The following USP10 variants were observed in gnomAD, a reference collection of about 807,000 sequenced individuals.
USP10 encodes ubiquitin specific peptidase 10, also known as ubiquitin carboxyl-terminal hydrolase 10.
In USP10, 22 loss-of-function variants were observed where a neutral mutation model predicts 84.5. That is an observed-to-expected ratio of 0.26 (90% confidence interval 0.19 to 0.37). The LOEUF (loss-of-function observed/expected upper bound fraction) is 0.37. USP10 is among the 10% of genes least tolerant of loss of function. USP10 has a pLI of 1.00. For synonymous variants in USP10, 454 were observed against 387.6 expected (o/e 1.17, Z -2.01); for missense variants, 1,019 against 998.9 (o/e 1.02, Z -0.27).
chr16:84,761,943 G>A (rs12599287), intron 8 of USP10, among the ~76,000 whole-genome samples: 17,506 of 152,288 alleles, frequency 0.11, 1,187 homozygotes, highest in East Asian at 0.26. Flanking sequence ...ATGCACTCAC[G>A]TGAACAGCTG....
At chr16:84,759,975 A>G (rs1204939304) in intron 7 of USP10, 29 bp downstream of exon 7, 5 of 1,611,226 alleles carry the variant, frequency 3.1e-6, no homozygotes, top group Non-Finnish European at 4.2e-6. Flanking sequence ...TGTTGATGCT[A>G]TTACATATTG....
At chr16:84,722,017 T>C (rs1342202107) in intron 1 of USP10, among the ~76,000 whole-genome samples, 2 of 152,198 alleles carry the variant, frequency 1.3e-5, no homozygotes, top group Non-Finnish European at 2.9e-5. Context: ...TTGACAGATG[T>C]ATACACCAAA....
At position 84,714,361 on chromosome 16, in the gene USP10, G is replaced by C. The variant is rs533924933; in HGVS notation, c.21+14250G>C. Among the ~76,000 whole-genome samples the C allele has an allele frequency of 1.6e-4, 25 of 152,286 alleles. No homozygotes were observed. The South Asian group carries it at 4.8e-3, about 29-fold the overall frequency. On this transcript the variant is annotated intron_variant, in intron 1 of 13. Coordinates refer to ENST00000219473, the MANE Select transcript of USP10 (RefSeq NM_005153.3). ...GATGGGGTCTGGCTCTGGCATCCAG[G>C]CTGGAGTGAGTGGCACAATCGTAGC...
intron 13 of USP10, among the ~76,000 whole-genome samples, chr16:84,776,261 G>A (rs1188604188): frequency 6.6e-6 from 1 of 152,190 alleles, no homozygotes; most frequent in Non-Finnish European, 1.5e-5. Context: ...AGGAAGTTTG[G>A]CGAGTGGGTG....
chr16:84,740,742 G>C lies in USP10; in HGVS notation c.151+373G>C, dbSNP rs41403646. Among the ~76,000 whole-genome samples, 856 of 152,344 alleles carry C rather than the reference G, an allele frequency of 5.6e-3. 6 individuals carry two copies. Among genetic ancestry groups the C allele is most frequent in the African/African-American group, 0.02 (813 of 41,582 alleles). ...CCAGCGCCAGCTAGCTTCTGAGCCTGTGTTCTTTGTAAACTAAGGGGCAGC... is the reference window on the plus strand; with the variant it reads ...CCAGCGCCAGCTAGCTTCTGAGCCTCTGTTCTTTGTAAACTAAGGGGCAGC... On this transcript the variant is annotated intron_variant, in intron 3 of 13. Coordinates refer to ENST00000219473, the MANE Select transcript of USP10 (RefSeq NM_005153.3).
At chr16:84,765,296 T>A (rs1402247299) in intron 10 of USP10, among the ~76,000 whole-genome samples, 1 of 151,624 alleles carries the variant, frequency 6.6e-6, no homozygotes, top group Non-Finnish European at 1.5e-5. Flanking sequence ...AGCTGCAGTT[T>A]TACTCATTTC....
chr16:84,700,751 C>G (rs1324530191), intron 1 of USP10, among the ~76,000 whole-genome samples: 1 of 152,172 alleles, frequency 6.6e-6, no homozygotes, highest in Non-Finnish European at 1.5e-5. Flanking sequence ...TTGCACGAAT[C>G]CATCCCAGCC....
chr16:84,740,037 T>C (rs973468224), intron 2 of USP10, among the ~76,000 whole-genome samples: 6 of 152,278 alleles, frequency 3.9e-5, no homozygotes, highest in African/African-American at 1.4e-4. Context: ...CTGATTTACA[T>C]GTCCATTGGA....
chr16:84,759,469 G>T lies in USP10; in HGVS notation c.1391G>T (p.Ser464Ile). The T allele has an allele frequency of 6.2e-7, 1 of 1,613,594 alleles. No homozygotes were observed. Among genetic ancestry groups the T allele is most frequent in the Non-Finnish European group, 8.5e-7 (1 of 1,179,504 alleles). ...TGTACGTCAACACCCATGATAGACA[G>T]CTTGTAAGTAAGGTGGTGAAAGATG... ...RPCTSTPMID[S>I]FVRLMNEFTN... Residue 464 changes from serine (S) to isoleucine (I), a missense_variant, in exon 6 of 14, where the codon AGC becomes ATC. Ser to Ile is a moderately radical substitution (Grantham distance 142). This residue lies in a region of USP10 where 787 missense variants were observed against 708.8 expected (regional missense o/e 1.11). Transcript: ENST00000219473.
intron 1 of USP10, chr16:84,704,713 A>C (rs1305241013): frequency 1.3e-6 from 2 of 1,493,640 alleles, no homozygotes; most frequent in African/African-American, 2.8e-5. Flanking sequence ...TTTTTTCTGA[A>C]CTGGCTATTT....
At chr16:84,700,379 C>T (rs1904688957) in intron 1 of USP10, among the ~76,000 whole-genome samples, 1 of 151,952 alleles carries the variant, frequency 6.6e-6, no homozygotes, top group African/African-American at 2.4e-5. Flanking sequence ...TGGAGGGCGC[C>T]GAAGGGGTTA....
intron 8 of USP10, among the ~76,000 whole-genome samples, chr16:84,761,238 A>G (rs1541696): frequency 0.33 from 49,455 of 152,088 alleles, 9,028 homozygotes; most frequent in East Asian, 0.64. Flanking sequence ...AGAGGGGCCC[A>G]CCTAGCACAG....
Position 84,745,237 on chromosome 16 carries a change from G to A in USP10, c.756G>A (p.Gln252=). Residue 252 remains glutamine, a synonymous_variant, in exon 4 of 14, where the codon CAG becomes CAA. Transcript: ENST00000219473. Reference sequence around the variant, plus strand: ...GGGGCCCCGGGGCTGATTTTGGTCAGTCCTGCTTCCCTGCAGAGGCTGGCA... The same window carrying A: ...GGGGCCCCGGGGCTGATTTTGGTCAATCCTGCTTCCCTGCAGAGGCTGGCA... ...PEGGPGADFG[Q]SCFPAEAGRD... 1.2e-6 allele frequency: 2 copies of A among 1,613,414 alleles called. No homozygotes were observed. The highest frequency in any genetic ancestry group is 8.5e-7 in the Non-Finnish European group (1 of 1,179,628).
In USP10 at chr16:84,768,269, T is replaced by G. The variant is rs372763112; in HGVS notation, c.1909T>G (p.Ser637Ala). 7.5e-6 allele frequency: 12 copies of G among 1,606,676 alleles called. No homozygotes were observed. The highest frequency in any genetic ancestry group is 9.4e-6 in the Non-Finnish European group (11 of 1,176,310). The change falls in exon 11 of 14, where the codon TCA (serine) becomes GCA (alanine). Residue 637 changes from serine to alanine, a missense_variant. Around this residue, in one of 2 missense-constraint regions of USP10, gnomAD observed 232 missense variants for 290.1 expected, o/e 0.80. Coordinates refer to ENST00000219473, the MANE Select transcript of USP10 (RefSeq NM_005153.3). ...PFFTLQLDIQ[S>A]DKIRTVQDAL... ...TTTCACGTTGCAGTTGGATATCCAGTCAGACAAGATACGCACAGTCCAGGA... is the reference window on the plus strand; with the variant it reads ...TTTCACGTTGCAGTTGGATATCCAGGCAGACAAGATACGCACAGTCCAGGA...
chr16:84,745,911 T>C (rs1911175135), intron 4 of USP10, among the ~76,000 whole-genome samples: 1 of 152,242 alleles, frequency 6.6e-6, no homozygotes, highest in Admixed American at 6.5e-5. Flanking sequence ...AGCAGTTCTT[T>C]TCTGTTGACA....
intron 1 of USP10, among the ~76,000 whole-genome samples, chr16:84,718,711 G>A (rs978353279): frequency 2.3e-4 from 35 of 150,450 alleles, no homozygotes; most frequent in African/African-American, 8.0e-4. Flanking sequence ...AACTGAGATT[G>A]CGCCACTGCA....
intron 5 of USP10, among the ~76,000 whole-genome samples, chr16:84,759,022 A>G (rs568345427): frequency 9.8e-5 from 15 of 152,346 alleles, no homozygotes; most frequent in African/African-American, 3.1e-4. Context: ...TGGCACGTGA[A>G]TGAGGGCTGC....
chr16:84,766,393 G>C (rs1035275714), intron 10 of USP10, among the ~76,000 whole-genome samples: 4 of 152,266 alleles, frequency 2.6e-5, no homozygotes, highest in East Asian at 1.9e-4. Context: ...CCTGACCACT[G>C]TCTGTGGTTC....
chr16:84,720,548 C>G lies in USP10; in HGVS notation c.22-12887C>G, dbSNP rs191286945. Among the ~76,000 whole-genome samples, 96 of 143,274 alleles carry G rather than the reference C, an allele frequency of 6.7e-4. 1 individual carries two copies. In the East Asian group the frequency reaches 0.018, roughly 26 times the overall value. The allele number at this position is 143,274 out of a possible 152,430, so 94.0% of individuals were successfully genotyped here. A position where few individuals can be genotyped will look rare whatever the true frequency, so the allele number is the denominator to read the frequency against. On this transcript the variant is annotated intron_variant, in intron 1 of 13. Transcript: ENST00000219473. ...GAGTGGTGCACAGTTAAATTGAAAA[C>G]AGATGCAGAATAAAAAGATGATGCC...
Sources: gnomAD v4.1 joint callset for allele counts (sites outside exome capture counted in the v4.1 genomes callset) on GRCh38, gnomAD v4.1.1 for gene constraint, gnomAD v4.1.1 regional missense constraint, MANE v1.5 for transcripts, NCBI Gene and HGNC (gene_info 2026-07-23, HGNC 2026-07-21) for gene names.